The following RBFOX3 variants were observed in gnomAD, a reference collection of about 807,000 sequenced individuals.
The protein encoded by RBFOX3 is RNA binding protein fox-1 homolog 3.
Under a neutral mutation model 48.7 loss-of-function variants are expected in RBFOX3, and 17 were observed. That is an observed-to-expected ratio of 0.35 (90% CI 0.24 to 0.52). The LOEUF (loss-of-function observed/expected upper bound fraction) is 0.52. Among genes scored for constraint, RBFOX3 ranks in the 20% least tolerant of loss-of-function variants. The pLI, the probability that RBFOX3 is intolerant of heterozygous loss-of-function variation, is 0.94. For missense variants in RBFOX3, 382 were observed against 497.5 expected, an observed-to-expected ratio of 0.77 and a Z score of 2.21; for synonymous variants, 212 against 209.5, an observed-to-expected ratio of 1.01 and a Z score of -0.10.
chr17:79,219,739 AC>A (rs2059487911), intron 4 of RBFOX3, among the ~76,000 whole-genome samples: 1 of 150,548 alleles, frequency 6.6e-6, no homozygotes, highest in African/African-American at 2.5e-5. Flanking sequence ...GCCATGCTTC[AC>A]CACTCCTTCC....
At chr17:79,317,732 C>A (rs2077732908) in intron 2 of RBFOX3, among the ~76,000 whole-genome samples, 1 of 152,032 alleles carries the variant, frequency 6.6e-6, no homozygotes, top group African/African-American at 2.4e-5. Flanking sequence ...ACTTTAGGCA[C>A]TTGTTATGTA....
rs543396187 is a variant in RBFOX3, at chr17:79,414,766, T to C, written c.-175+67688A>G. Among the ~76,000 whole-genome samples, 10 of 150,034 alleles carry C rather than the reference T, an allele frequency of 6.7e-5. No homozygotes were observed. The East Asian group carries it at 1.9e-3, about 29-fold the overall frequency. ...GCCCACGGGAGGACTGAACAGCCTC[T>C]GCACTCCCGCTGGCGCGAACAGGCT... is the stretch of plus-strand genomic sequence containing the variant. On this transcript the variant is annotated intron_variant, in intron 2 of 14. Coordinates refer to ENST00000693108, the MANE Select transcript of RBFOX3 (RefSeq NM_001350451.2).
intron 2 of RBFOX3, among the ~76,000 whole-genome samples, chr17:79,339,953 GC>G (rs2081796311): frequency 6.6e-6 from 1 of 152,200 alleles, no homozygotes; most frequent in Non-Finnish European, 1.5e-5. Context: ...TCCTGCTGAT[GC>G]CCCCTGTTCT....
At chr17:79,225,238 G>A (rs1395100611) in intron 4 of RBFOX3, among the ~76,000 whole-genome samples, 1 of 150,708 alleles carries the variant, frequency 6.6e-6, no homozygotes, top group Non-Finnish European at 1.5e-5. Context: ...TCCTCCCTGG[G>A]CATCTCTCGC....
intron 1 of RBFOX3, among the ~76,000 whole-genome samples, chr17:79,513,608 T>C (rs1268865152): frequency 1.3e-5 from 2 of 152,226 alleles, no homozygotes; most frequent in African/African-American, 4.8e-5. Flanking sequence ...GGAACCAGAC[T>C]GCTTGAGTTT....
intron 1 of RBFOX3, among the ~76,000 whole-genome samples, chr17:79,566,914 G>C (rs1162908416): frequency 6.6e-6 from 1 of 152,198 alleles, no homozygotes; most frequent in Non-Finnish European, 1.5e-5. Flanking sequence ...TTGTTCTTAA[G>C]CAAATTACCT....
At chr17:79,532,826 C>T (rs1388251024) in intron 1 of RBFOX3, among the ~76,000 whole-genome samples, 1 of 138,752 alleles carries the variant, frequency 7.2e-6, no homozygotes, top group African/African-American at 3.1e-5. Context: ...GACTATTGAA[C>T]ACGTGTGTGT....
chr17:79,169,835 G>A (rs541278406), intron 4 of RBFOX3, among the ~76,000 whole-genome samples: 2 of 152,140 alleles, frequency 1.3e-5, no homozygotes, highest in South Asian at 2.1e-4. Flanking sequence ...TGAAAACCAC[G>A]GAACCGTATA....
intron 2 of RBFOX3, among the ~76,000 whole-genome samples, chr17:79,333,802 C>T (rs1191371199): frequency 2.0e-5 from 3 of 152,174 alleles, no homozygotes; most frequent in Admixed American, 1.3e-4. Flanking sequence ...TCCCACTCTG[C>T]CTCTGCCCCC....
chr17:79,221,360 C>T (rs1417477098), intron 4 of RBFOX3, among the ~76,000 whole-genome samples: 1 of 152,244 alleles, frequency 6.6e-6, no homozygotes, highest in African/African-American at 2.4e-5. Context: ...ACAATGAGGC[C>T]CAGAGGCCGG....
chr17:79,236,525 G>A (rs140976690), intron 3 of RBFOX3, among the ~76,000 whole-genome samples: 6 of 152,142 alleles, frequency 3.9e-5, no homozygotes, highest in Admixed American at 1.3e-4. Context: ...TCCTGAGCTC[G>A]GGCAATCCAC....
chr17:79,360,581 G>A (rs554567607), intron 2 of RBFOX3, among the ~76,000 whole-genome samples: 89 of 152,276 alleles, frequency 5.8e-4, no homozygotes, highest in Non-Finnish European at 4.6e-4. Context: ...AGCTCTCACC[G>A]CTGCCCGTGG....
the RBFOX3 span, among the ~76,000 whole-genome samples, chr17:79,651,351 A>C: frequency 1.3e-5 from 2 of 152,182 alleles, no homozygotes; most frequent in Non-Finnish European, 2.9e-5. Context: ...CAGAGAGTTG[A>C]GAAAAGTCTC....
intron 1 of RBFOX3, among the ~76,000 whole-genome samples, chr17:79,536,857 G>T (rs1220460825): frequency 6.6e-6 from 1 of 152,082 alleles, no homozygotes; most frequent in East Asian, 1.9e-4. Flanking sequence ...AGGCCGAGGC[G>T]GGCAGATCAC....
intron 2 of RBFOX3, among the ~76,000 whole-genome samples, chr17:79,326,389 C>A (rs2079329288): frequency 6.6e-6 from 1 of 152,242 alleles, no homozygotes; most frequent in South Asian, 2.1e-4. Context: ...GTGAAAATAT[C>A]TGGTTCTTCC....
intron 4 of RBFOX3, chr17:79,183,429 C>G (rs1199048548): frequency 6.6e-6 from 1 of 152,222 alleles, no homozygotes; most frequent in Non-Finnish European, 1.5e-5. Flanking sequence ...GGAGTGTGCG[C>G]GCGCCCTGCC....
chr17:79,616,035 C>T (rs2093992548), upstream of RBFOX3, among the ~76,000 whole-genome samples: 1 of 152,172 alleles, frequency 6.6e-6, no homozygotes, highest in Non-Finnish European at 1.5e-5. Flanking sequence ...GGTGAAGATG[C>T]AACTGTAGAA....
At chr17:79,532,201 G>GC (rs1412880392) in intron 1 of RBFOX3, among the ~76,000 whole-genome samples, 1 of 152,152 alleles carries the variant, frequency 6.6e-6, no homozygotes, top group Non-Finnish European at 1.5e-5. Flanking sequence ...TGCACTGGAG[G>GC]GGGGAGGGGA....
chr17:79,463,610 T>G (rs1281139978), intron 2 of RBFOX3, among the ~76,000 whole-genome samples: 3 of 71,634 alleles, frequency 4.2e-5, no homozygotes, highest in African/African-American at 1.8e-4. Flanking sequence ...CATCGCCACC[T>G]CCACCGCCAT....
Sources: gnomAD v4.1 joint callset for allele counts (sites outside exome capture counted in the v4.1 genomes callset) on GRCh38, gnomAD v4.1.1 for gene constraint, MANE v1.5 for transcripts, NCBI Gene and HGNC (gene_info 2026-07-23, HGNC 2026-07-21) for gene names.